GABRA2: variants seen among roughly 807,000 people sequenced by gnomAD.
The protein encoded by GABRA2 is gamma-aminobutyric acid receptor subunit alpha-2.
Under a neutral mutation model 48.7 loss-of-function variants are expected in GABRA2, and 16 were observed. The ratio of observed to expected loss-of-function variants is 0.33; its 90% confidence interval spans 0.22 to 0.50. The LOEUF is 0.50. Among genes scored for constraint, GABRA2 ranks in the 20% least tolerant of loss-of-function variants. The probability of loss-of-function intolerance (pLI) is 0.98; values close to 1 mark genes in which losing one functional copy is unlikely to be tolerated. For missense variants in GABRA2, 275 were observed against 535.6 expected, an observed-to-expected ratio of 0.51 and a Z score of 4.80; for synonymous variants, 185 against 184.5, an observed-to-expected ratio of 1.00 and a Z score of -0.02.
intron 3 of GABRA2, among the ~76,000 whole-genome samples, chr4:46,335,452 T>C (rs774502947): frequency 2.0e-5 from 3 of 152,066 alleles, no homozygotes; most frequent in Non-Finnish European, 4.4e-5. Context: ...TGATTCACTC[T>C]TCAGTCTTGA....
chr4:46,301,593 G>C (rs996900894), intron 8 of GABRA2, among the ~76,000 whole-genome samples: 3 of 151,960 alleles, frequency 2.0e-5, no homozygotes, highest in African/African-American at 7.3e-5. Flanking sequence ...CTATTCTTTT[G>C]AGCTAGGATT....
intron 8 of GABRA2, among the ~76,000 whole-genome samples, chr4:46,281,712 G>C (rs1453458692): frequency 6.6e-6 from 1 of 152,112 alleles, no homozygotes; most frequent in Non-Finnish European, 1.5e-5. Flanking sequence ...CATGGGAGGA[G>C]AAACTTTGAG....
intron 3 of GABRA2, among the ~76,000 whole-genome samples, chr4:46,346,741 A>G (rs1371953672): frequency 2.0e-5 from 3 of 151,540 alleles, no homozygotes; most frequent in Non-Finnish European, 4.4e-5. Flanking sequence ...GAATGCCTGT[A>G]TGTGCACAAT....
rs551212967 is a variant in GABRA2, at chr4:46,351,974, G to GTT, written c.188-19294_188-19293dup. Among the ~76,000 whole-genome samples, 198 of 118,292 alleles carry GTT rather than the reference G, an allele frequency of 1.7e-3. 2 individuals are homozygous for GTT. Among genetic ancestry groups the GTT allele is most frequent in the African/African-American group, 6.1e-3 (193 of 31,722 alleles). The allele number at this position is 118,292 out of a possible 152,430, so 77.6% of individuals were successfully genotyped here. The stretch of plus-strand genomic sequence containing the variant: ...CATTTGGGGTTTTACCAAAAACTGG[G>GTT]TTTTTTTTTTTTACCTGTCCACTTA... On this transcript the variant is annotated intron_variant, in intron 3 of 9. Transcript: ENST00000381620.
chr4:46,250,074 C>G lies in GABRA2; in HGVS notation c.*234G>C. ...CTTGAAATTCACTTTAAATCAGGTC[C>G]TAGGGTAAATCTTTAAAAAAGGCAA... is the stretch of plus-strand genomic sequence containing the variant. On this transcript the variant is annotated 3_prime_UTR_variant, in exon 10 of 10. Transcript: ENST00000381620. 2.2e-6 allele frequency: 1 copy of G among 447,726 alleles called. No homozygotes were observed. 27.7% of individuals were successfully genotyped at this position (447,726 alleles called of 1,614,324 possible).
intron 3 of GABRA2, among the ~76,000 whole-genome samples, chr4:46,344,983 T>C (rs1733901458): frequency 6.6e-6 from 1 of 151,922 alleles, no homozygotes; most frequent in African/African-American, 2.4e-5. Flanking sequence ...CACCCAAATT[T>C]CATCTTGAAT....
At chr4:46,306,218 T>C (rs988868759) in intron 6 of GABRA2, among the ~76,000 whole-genome samples, 2 of 152,322 alleles carry the variant, frequency 1.3e-5, no homozygotes, top group South Asian at 2.1e-4. Flanking sequence ...TTATAGAACA[T>C]ATAAGATAAA....
chr4:46,350,423 A>G (rs1394611332), intron 3 of GABRA2, among the ~76,000 whole-genome samples: 1 of 151,888 alleles, frequency 6.6e-6, no homozygotes, highest in Non-Finnish European at 1.5e-5. Context: ...TTTTCATCTC[A>G]TTATATGTAT....
intron 3 of GABRA2, among the ~76,000 whole-genome samples, chr4:46,362,399 C>A (rs1713351457): frequency 6.6e-6 from 1 of 152,176 alleles, no homozygotes; most frequent in Non-Finnish European, 1.5e-5. Flanking sequence ...CCACGTGGAA[C>A]TGTAAGTCCA....
At chr4:46,257,329 G>A (rs557828369) in intron 9 of GABRA2, among the ~76,000 whole-genome samples, 1 of 151,586 alleles carries the variant, frequency 6.6e-6, no homozygotes, top group South Asian at 2.1e-4. Flanking sequence ...AGGTATTATT[G>A]CAAGAGGGGT....
rs1023466373 is a variant in GABRA2 at position 46,303,920 on chromosome 4, A to G, written c.704-308T>C. ...ATTTTTCAGATTTTGGAAAATTTAC[A>G]TTATTACAAATTGAGCATCCCTAAT... On this transcript the variant is annotated intron_variant, in intron 7 of 9. Coordinates refer to ENST00000381620, the MANE Select transcript of GABRA2 (RefSeq NM_000807.4). Among the ~76,000 whole-genome samples the G allele has an allele frequency of 1.8e-4, 27 of 152,314 alleles. No individual in the cohort carries two copies. In the East Asian group the frequency reaches 4.6e-3, roughly 26 times the overall value.
intron 3 of GABRA2, among the ~76,000 whole-genome samples, chr4:46,342,086 T>C (rs1223470284): frequency 9.5e-6 from 1 of 105,050 alleles, no homozygotes; most frequent in Non-Finnish European, 1.9e-5. Context: ...GACTGCCACT[T>C]TTCACAACAG....
At chr4:46,282,904 G>A (rs574646816) in intron 8 of GABRA2, among the ~76,000 whole-genome samples, 2 of 152,260 alleles carry the variant, frequency 1.3e-5, no homozygotes, top group South Asian at 4.1e-4. Context: ...TTATAAGAAA[G>A]TTATTGTTAC....
At position 46,265,467 on chromosome 4, in the gene GABRA2, A is replaced by T. The variant is rs1037831329; in HGVS notation, c.857-3339T>A. ...TATTGTGTATATATATAATATATAT[A>T]TAATATATTGTGTATATATTATATA... On this transcript the variant is annotated intron_variant, in intron 8 of 9. Transcript: ENST00000381620. Among the ~76,000 whole-genome samples, 35 of 114,980 alleles carry T rather than the reference A, an allele frequency of 3.0e-4. 1 individual carries two copies. Among genetic ancestry groups the T allele is most frequent in the African/African-American group, 1.5e-3 (32 of 21,932 alleles). 75.4% of individuals were successfully genotyped at this position (114,980 alleles called of 152,430 possible). A position where few individuals can be genotyped will look rare whatever the true frequency, so the allele number is the denominator to read the frequency against.
chr4:46,350,852 A>G (rs1446624587), intron 3 of GABRA2, among the ~76,000 whole-genome samples: 1 of 152,024 alleles, frequency 6.6e-6, no homozygotes, highest in East Asian at 1.9e-4. Flanking sequence ...ATAAGTAGAC[A>G]GATTATGTCC....
At chr4:46,314,685 T>TA (rs1467006967) in intron 4 of GABRA2, among the ~76,000 whole-genome samples, 1 of 152,056 alleles carries the variant, frequency 6.6e-6, no homozygotes, top group Non-Finnish European at 1.5e-5. Flanking sequence ...CATCTTTATG[T>TA]CCATGAGTAC....
At chr4:46,324,020 A>T (rs909462960) in intron 4 of GABRA2, among the ~76,000 whole-genome samples, 2 of 151,886 alleles carry the variant, frequency 1.3e-5, no homozygotes, top group Admixed American at 1.3e-4. Flanking sequence ...ATAATGCCGT[A>T]TAGCTGCTGC....
rs576907712 is a variant in GABRA2, at chr4:46,307,728, G to C, written c.560-2017C>G. ...ATGGAAGATGGAAATCTAGAGAAAA[G>C]CTCAAGAGTTTATTAAAGAAAGTGA... On this transcript the variant is annotated intron_variant, in intron 6 of 9. Coordinates refer to ENST00000381620, the MANE Select transcript of GABRA2 (RefSeq NM_000807.4). Among the ~76,000 whole-genome samples, 4 of 152,214 alleles carry C rather than the reference G, an allele frequency of 2.6e-5. No individual in the cohort carries two copies. In the East Asian group the frequency reaches 5.8e-4, roughly 22 times the overall value.
intron 7 of GABRA2, among the ~76,000 whole-genome samples, chr4:46,304,459 T>G (rs1380167410): frequency 6.6e-6 from 1 of 152,074 alleles, no homozygotes; most frequent in Non-Finnish European, 1.5e-5. Flanking sequence ...ACAGCTGGGT[T>G]TTTTTGTTTT....
Sources: gnomAD v4.1 joint callset for allele counts (sites outside exome capture counted in the v4.1 genomes callset) on GRCh38, gnomAD v4.1.1 for gene constraint, MANE v1.5 for transcripts, NCBI Gene and HGNC (gene_info 2026-07-23, HGNC 2026-07-21) for gene names.